Variants in SLC4A4 observed in about 807,000 individuals in gnomAD.
The protein encoded by SLC4A4 is electrogenic sodium bicarbonate cotransporter 1.
In SLC4A4, 27 loss-of-function variants were observed where a neutral mutation model predicts 111.5. That is an observed-to-expected ratio of 0.24 (90% confidence interval 0.18 to 0.33). The LOEUF (loss-of-function observed/expected upper bound fraction) is 0.33, where lower values mean the gene tolerates loss of function less well. Ranked by LOEUF, SLC4A4 falls within the 10% of genes least tolerant of loss-of-function variation. The probability of loss-of-function intolerance (pLI) is 1.00; values close to 1 mark genes in which losing one functional copy is unlikely to be tolerated. For missense variants in SLC4A4, 909 were observed against 1,315.5 expected, an observed-to-expected ratio of 0.69 and a Z score of 4.78; for synonymous variants, 443 against 463.4, an observed-to-expected ratio of 0.96 and a Z score of 0.57.
At chr4:71,473,959 G>A (rs1289660434) in intron 14 of SLC4A4, among the ~76,000 whole-genome samples, 1 of 151,768 alleles carries the variant, frequency 6.6e-6, no homozygotes, top group Non-Finnish European at 1.5e-5. Context: ...ACAGCACTTT[G>A]AGAGGCTGAG....
At chr4:71,290,831 T>C (rs530384811) in intron 3 of SLC4A4, among the ~76,000 whole-genome samples, 2 of 152,300 alleles carry the variant, frequency 1.3e-5, no homozygotes, top group African/African-American at 2.4e-5. Flanking sequence ...GGAAAAATCT[T>C]TGGGAAAATG....
At chr4:71,470,177 T>A (rs1005005509) in intron 13 of SLC4A4, among the ~76,000 whole-genome samples, 6 of 151,996 alleles carry the variant, frequency 3.9e-5, no homozygotes, top group Non-Finnish European at 8.8e-5. Context: ...TATATCAAAT[T>A]TCTAGAACTC....
chr4:71,366,383 C>T (rs1345141566), intron 6 of SLC4A4, among the ~76,000 whole-genome samples: 2 of 145,148 alleles, frequency 1.4e-5, no homozygotes, highest in African/African-American at 5.0e-5. Context: ...CAAAAAGAGA[C>T]ACCTTCACAT....
intron 14 of SLC4A4, among the ~76,000 whole-genome samples, chr4:71,475,404 A>C (rs1053194920): frequency 2.6e-5 from 4 of 151,938 alleles, no homozygotes; most frequent in Non-Finnish European, 5.9e-5. Flanking sequence ...CCTTCTAAGA[A>C]GGATCTTTGT....
chr4:71,524,649 C>G (rs1733255983), intron 16 of SLC4A4, among the ~76,000 whole-genome samples: 1 of 147,296 alleles, frequency 6.8e-6, no homozygotes, highest in Admixed American at 6.8e-5. Context: ...ACTATTAATG[C>G]TTTTTTTTTT....
chr4:71,118,971 C>G (rs1352576267), intron 2 of SLC4A4, among the ~76,000 whole-genome samples: 1 of 152,122 alleles, frequency 6.6e-6, no homozygotes, highest in African/African-American at 2.4e-5. Flanking sequence ...ATATCTGCTA[C>G]TCTAATAGTG....
chr4:71,296,158 G>C (rs574896962), intron 3 of SLC4A4, among the ~76,000 whole-genome samples: 1 of 151,026 alleles, frequency 6.6e-6, no homozygotes, highest in African/African-American at 2.4e-5. Flanking sequence ...AATAAAATAT[G>C]ACTGTGTTTT....
chr4:71,327,739 A>T (rs914397220), intron 3 of SLC4A4, among the ~76,000 whole-genome samples: 4 of 151,884 alleles, frequency 2.6e-5, no homozygotes, highest in Non-Finnish European at 5.9e-5. Flanking sequence ...GGGGTACATG[A>T]GATATTTTGA....
chr4:71,479,748 T>C (rs1223794006), intron 14 of SLC4A4, among the ~76,000 whole-genome samples: 7 of 151,796 alleles, frequency 4.6e-5, no homozygotes, highest in Admixed American at 2.0e-4. Context: ...GTTGACATTT[T>C]ATCATTTATG....
At chr4:71,300,738 G>A in intron 3 of SLC4A4, 1 of 374,170 alleles carries the variant, frequency 2.7e-6, no homozygotes, top group South Asian at 2.4e-5. Flanking sequence ...GCCTGGGAAG[G>A]GTGTTTCGAA....
rs183250785 is a variant in SLC4A4 at position 71,451,620 on chromosome 4, G to T, written c.1322+319G>T. On this transcript the variant is annotated intron_variant, in intron 11 of 25. Transcript: ENST00000264485. ...TGTATTCCAATTTTAGATAAGAGTG[G>T]TCAGAGAAGGCCTTACAAAGAATGG... Among the ~76,000 whole-genome samples the T allele has an allele frequency of 1.0e-3, 154 of 152,244 alleles. 4 individuals are homozygous for T. The East Asian group carries it at 0.028, about 28-fold the overall frequency.
intron 15 of SLC4A4, among the ~76,000 whole-genome samples, chr4:71,496,312 G>A (rs1265035078): frequency 6.6e-6 from 1 of 151,996 alleles, no homozygotes; most frequent in East Asian, 1.9e-4. Flanking sequence ...TAGGGATTTG[G>A]GGTGCGTGTG....
intron 3 of SLC4A4, among the ~76,000 whole-genome samples, chr4:71,269,966 G>C (rs1001130977): frequency 6.6e-6 from 1 of 152,200 alleles, no homozygotes; most frequent in African/African-American, 2.4e-5. Flanking sequence ...AAGGTTACCT[G>C]AGTATAAAGC....
intron 4 of SLC4A4, among the ~76,000 whole-genome samples, chr4:71,346,604 G>A (rs1729353943): frequency 6.6e-6 from 1 of 151,940 alleles, no homozygotes; most frequent in Non-Finnish European, 1.5e-5. Flanking sequence ...GTGAACTTTG[G>A]TACTTTTGCC....
At chr4:71,276,507 G>A (rs918363140) in intron 3 of SLC4A4, among the ~76,000 whole-genome samples, 1 of 150,176 alleles carries the variant, frequency 6.7e-6, no homozygotes, top group Non-Finnish European at 1.5e-5. Context: ...TTCCATCTTT[G>A]TAATTTTGTC....
At chr4:71,439,521 C>G (rs1376736705) in intron 7 of SLC4A4, among the ~76,000 whole-genome samples, 5 of 142,772 alleles carry the variant, frequency 3.5e-5, no homozygotes, top group Non-Finnish European at 7.6e-5. Context: ...TTCGTCCATT[C>G]TTAGCTCCCA....
chr4:71,190,453 G>A (rs2148994268), intron 1 of SLC4A4, among the ~76,000 whole-genome samples: 1 of 151,432 alleles, frequency 6.6e-6, no homozygotes, highest in Middle Eastern at 3.4e-3. Context: ...TTGTAGAGGT[G>A]GCTGATTTAA....
intron 16 of SLC4A4, among the ~76,000 whole-genome samples, chr4:71,520,847 G>T (rs1241363391): frequency 2.0e-5 from 3 of 151,312 alleles, no homozygotes; most frequent in Non-Finnish European, 4.4e-5. Context: ...TCTTTTTTTT[G>T]GGGGGGTGGC....
At position 71,093,792 on chromosome 4, in the gene SLC4A4, G is replaced by T. The variant is rs76988637; in HGVS notation, c.-2+1000G>T. ...CCTACCTATTTGTTGGTCTTACAAT[G>T]GTGGGTCATTTTGCATCCTATTATA... is the stretch of plus-strand genomic sequence containing the variant. On this transcript the variant is annotated intron_variant, in intron 2 of 26. Transcript: ENST00000649996. Among the ~76,000 whole-genome samples, 338 of 152,166 alleles carry T rather than the reference G, an allele frequency of 2.2e-3. 17 individuals carry two copies. The East Asian group carries it at 0.057, about 26-fold the overall frequency.
Sources: allele counts gnomAD v4.1 joint callset (sites outside exome capture counted in the v4.1 genomes callset), GRCh38; gene constraint gnomAD v4.1.1; transcripts MANE v1.5; gene names NCBI Gene and HGNC (gene_info 2026-07-23, HGNC 2026-07-21).